The following TRIM9 variants were observed in gnomAD, a reference collection of about 807,000 sequenced individuals.
TRIM9 encodes the protein E3 ubiquitin-protein ligase TRIM9.
In TRIM9, 26 loss-of-function variants were observed where a neutral mutation model predicts 78.3. The ratio of observed to expected loss-of-function variants is 0.33; its 90% CI spans 0.24 to 0.46. The LOEUF (loss-of-function observed/expected upper bound fraction) is 0.46, where lower values mean the gene tolerates loss of function less well. TRIM9 is among the 20% of genes least tolerant of loss of function. The pLI, the probability that TRIM9 is intolerant of heterozygous loss-of-function variation, is 1.00. For synonymous variants in TRIM9, 398 were observed against 416.5 expected (o/e 0.96, Z 0.54); for missense variants, 787 against 1,036.4 (o/e 0.76, Z 3.30).
In TRIM9 at chr14:51,094,122, T is replaced by C; in HGVS notation, c.818A>G (p.His273Arg). 6.2e-7 allele frequency: 1 copy of C among 1,612,352 alleles called. No individual in the cohort carries two copies. Among genetic ancestry groups the C allele is most frequent in the Non-Finnish European group, 8.5e-7 (1 of 1,178,722 alleles). ...GTGGGTTTTCTTAGGACTCACCTTA[T>C]GTAGTTTCCACATGGCCCCCAGAGC... ...VKALGAMWKL[H>R]KSQLSQALNG... Residue 273 changes from histidine (H) to arginine (R), a missense_variant, in exon 1 of 13, where the codon CAT (histidine) becomes CGT (arginine). His to Arg is a conservative substitution (Grantham distance 29). Transcript: ENST00000684578.
At chr14:51,034,305 A>G (rs972776739) in intron 1 of TRIM9, among the ~76,000 whole-genome samples, 3 of 152,162 alleles carry the variant, frequency 2.0e-5, no homozygotes, top group Non-Finnish European at 4.4e-5. Flanking sequence ...AATAAACCCA[A>G]TGAGAATTTA....
intron 3 of TRIM9, among the ~76,000 whole-genome samples, chr14:51,020,035 C>T (rs1040735180): frequency 6.6e-6 from 1 of 152,068 alleles, no homozygotes; most frequent in Non-Finnish European, 1.5e-5. Context: ...GAGAGTTGCC[C>T]GAAAAATACA....
intron 1 of TRIM9, among the ~76,000 whole-genome samples, chr14:51,038,354 G>GT (rs1438622361): frequency 4.6e-5 from 7 of 152,274 alleles, no homozygotes; most frequent in Non-Finnish European, 8.8e-5. Flanking sequence ...AAAAATCTAT[G>GT]TTGTTTTAAG....
chr14:51,088,803 G>A (rs1368367445), intron 1 of TRIM9, among the ~76,000 whole-genome samples: 7 of 151,926 alleles, frequency 4.6e-5, no homozygotes, highest in South Asian at 2.1e-4. Context: ...ATCAAAAACC[G>A]CCCCTCTATT....
chr14:50,982,060 G>A lies in TRIM9; in HGVS notation c.1902C>T (p.Ile634=). The A allele has an allele frequency of 6.2e-7, 1 of 1,614,168 alleles. No homozygotes were observed. The highest frequency in any genetic ancestry group is 8.5e-7 in the Non-Finnish European group (1 of 1,180,024). The change falls in exon 11 of 13, where the codon ATC becomes ATT. Residue 634 remains isoleucine, a synonymous_variant. Transcript: ENST00000684578. ...CTGTCAGGTTGTCATTGGAGAGGAT[G>A]ATGTCCGAGTGCGCCGAGCCAGGGT... ...AFDPGSAHSD[I]ILSNDNLTVT...
intron 1 of TRIM9, among the ~76,000 whole-genome samples, chr14:51,073,925 A>G (rs774535294): frequency 6.6e-6 from 1 of 152,210 alleles, no homozygotes; most frequent in Non-Finnish European, 1.5e-5. Flanking sequence ...AAGCAGTGGT[A>G]TGCTGGGGCT....
At chr14:50,990,972 TA>T (rs2053431290) in intron 7 of TRIM9, among the ~76,000 whole-genome samples, 1 of 152,222 alleles carries the variant, frequency 6.6e-6, no homozygotes, top group South Asian at 2.1e-4. Flanking sequence ...TAATTTATAA[TA>T]AAAGGTGGTA....
chr14:51,064,148 G>A (rs946674658), intron 1 of TRIM9, among the ~76,000 whole-genome samples: 6 of 151,766 alleles, frequency 4.0e-5, no homozygotes, highest in South Asian at 2.1e-4. Context: ...GTTAGCTGTA[G>A]GCAGACTGTG....
intron 1 of TRIM9, among the ~76,000 whole-genome samples, chr14:51,058,698 TG>T (rs1368876085): frequency 6.6e-6 from 1 of 152,254 alleles, no homozygotes; most frequent in Non-Finnish European, 1.5e-5. Flanking sequence ...TATACTCAGC[TG>T]TCTTTTACGT....
chr14:51,088,486 C>A (rs909595237), intron 1 of TRIM9, among the ~76,000 whole-genome samples: 1 of 152,070 alleles, frequency 6.6e-6, no homozygotes, highest in Non-Finnish European at 1.5e-5. Context: ...ATAGATAAAA[C>A]AAAAAGAATT....
chr14:51,004,927 T>C (rs1226505800), intron 5 of TRIM9, among the ~76,000 whole-genome samples: 2 of 152,178 alleles, frequency 1.3e-5, no homozygotes, highest in Admixed American at 1.3e-4. Context: ...AAATAAAGAT[T>C]CTACCTTCAC....
chr14:51,050,635 C>T (rs1024030229), intron 1 of TRIM9, among the ~76,000 whole-genome samples: 1 of 152,120 alleles, frequency 6.6e-6, no homozygotes, highest in Non-Finnish European at 1.5e-5. Context: ...TGGGACTGTC[C>T]CAACCAAAAG....
In TRIM9 at chr14:51,066,020, T is replaced by C. The variant is rs116819918; in HGVS notation, c.822+28098A>G. Among the ~76,000 whole-genome samples the C allele has an allele frequency of 7.4e-3, 1,117 of 150,394 alleles. 22 individuals are homozygous for C. Among genetic ancestry groups the C allele is most frequent in the African/African-American group, 0.025 (1,010 of 40,756 alleles). On this transcript the variant is annotated intron_variant, in intron 1 of 12. Transcript: ENST00000684578. ...CTTTATCACTTACTGATTATTTTCA[T>C]TGGCGTGCAAGCAGGCCTGAGCATC...
chr14:51,094,614 G>A lies in TRIM9; in HGVS notation c.326C>T (p.Pro109Leu), dbSNP rs947157817. ...CAGGGCCGGTGACAAGTGGGTGGCCGGTGGCGGCATAGCCGGGGGAAACAC... is the reference window on the plus strand; with the variant it reads ...CAGGGCCGGTGACAAGTGGGTGGCCAGTGGCGGCATAGCCGGGGGAAACAC... ...VRVFPPAMPPPATHLSPALAP... is the reference protein window; with the variant it reads ...VRVFPPAMPPLATHLSPALAP... Residue 109 changes from proline to leucine, a missense_variant, in exon 1 of 13, where the codon CCG becomes CTG. Pro to Leu is a moderately conservative substitution (Grantham distance 98). Transcript: ENST00000684578. 4 of 1,609,056 alleles carry A rather than the reference G, an allele frequency of 2.5e-6. No homozygotes were observed. Among genetic ancestry groups the A allele is most frequent in the Non-Finnish European group, 3.4e-6 (4 of 1,177,064 alleles).
chr14:51,038,364 G>A (rs2059327487), intron 1 of TRIM9, among the ~76,000 whole-genome samples: 1 of 152,194 alleles, frequency 6.6e-6, no homozygotes, highest in African/African-American at 2.4e-5. Flanking sequence ...GTTGTTTTAA[G>A]TTGCTAAGTT....
intron 1 of TRIM9, among the ~76,000 whole-genome samples, chr14:51,038,052 G>T (rs995977326): frequency 6.6e-6 from 1 of 152,124 alleles, no homozygotes; most frequent in African/African-American, 2.4e-5. Flanking sequence ...AAATGTCCAT[G>T]CCCGAATCCC....
intron 7 of TRIM9, among the ~76,000 whole-genome samples, chr14:50,993,371 CT>C (rs35659590): frequency 0.01 from 1,503 of 144,034 alleles, 10 homozygotes; most frequent in African/African-American, 0.029. Context: ...CAACAAGACT[CT>C]TTTTTTTTTT....
chr14:50,977,397 C>T (rs759791877), intron 12 of TRIM9, 44 bp from the exon 13 acceptor site: 2 of 1,441,684 alleles, frequency 1.4e-6, no homozygotes, highest in Non-Finnish European at 1.8e-6. Context: ...CGTGCATCCC[C>T]CTGTCCCTTT....
chr14:50,982,155 GC>G (rs760166525), intron 10 of TRIM9, 52 bp from the exon 11 acceptor site: 14 of 1,592,438 alleles, frequency 8.8e-6, no homozygotes, highest in African/African-American at 1.3e-5. Flanking sequence ...AACAAGCTCA[GC>G]ACCATAACAT....
Sources: allele counts gnomAD v4.1 joint callset (sites outside exome capture counted in the v4.1 genomes callset), GRCh38; gene constraint gnomAD v4.1.1; transcripts MANE v1.5; gene names NCBI Gene and HGNC (gene_info 2026-07-23, HGNC 2026-07-21).